Variants in SLC16A11 observed in about 807,000 individuals in gnomAD.
SLC16A11 encodes monocarboxylate transporter 11.
Under a neutral mutation model 26.0 loss-of-function variants are expected in SLC16A11, and 24 were observed. That is an observed-to-expected ratio of 0.92 (90% CI 0.67 to 1.30). The LOEUF is 1.30. Among genes scored for constraint, SLC16A11 ranks in the 50% most tolerant of loss-of-function variants. The pLI, the probability that SLC16A11 is intolerant of heterozygous loss-of-function variation, is 0.00. For missense variants in SLC16A11, 638 were observed against 597.7 expected, an observed-to-expected ratio of 1.07 and a Z score of -0.70; for synonymous variants, 332 against 296.0, an observed-to-expected ratio of 1.12 and a Z score of -1.25.
At position 7,042,927 on chromosome 17, in the gene SLC16A11, C is replaced by T; in HGVS notation, c.346+3G>A. ...AATGACCCGGGCATCCCACTTCCCT[C>T]ACCAGCGAGGAGGCCCAGGCCGAGG... On this transcript the variant is annotated splice_donor_region_variant and intron_variant, in intron 3 of 4. Coordinates refer to ENST00000574600, the MANE Select transcript of SLC16A11 (RefSeq NM_001370549.1). The surrounding 1 kb of genome is among the most constrained non-coding windows in gnomAD (Gnocchi z 5.9). 1.9e-6 allele frequency: 3 copies of T among 1,612,860 alleles called. No individual in the cohort carries two copies. Among genetic ancestry groups the T allele is most frequent in the Non-Finnish European group, 2.5e-6 (3 of 1,179,804 alleles).
intron 1 of SLC16A11, 87 bp downstream of exon 1, chr17:7,043,688 C>T: frequency 7.2e-7 from 1 of 1,379,518 alleles, no homozygotes; most frequent in Non-Finnish European, 9.5e-7. Flanking sequence ...GGCTGGAACT[C>T]CCGGGTCCGC....
chr17:7,042,304 G>A lies in SLC16A11; in HGVS notation c.806C>T (p.Ala269Val). 1 of 1,551,734 alleles carries A rather than the reference G, an allele frequency of 6.4e-7. No homozygotes were observed. The highest frequency in any genetic ancestry group is 8.7e-7 in the Non-Finnish European group (1 of 1,147,724). The change falls in exon 4 of 5, where the codon GCC becomes GTC. Residue 269 changes from alanine to valine, a missense_variant. Physicochemically the swap from Ala to Val is moderately conservative, Grantham distance 64 (BLOSUM62 0). Coordinates refer to ENST00000574600, the MANE Select transcript of SLC16A11 (RefSeq NM_001370549.1). The surrounding 1 kb of genome is among the most constrained non-coding windows in gnomAD (Gnocchi z 5.9). ...TGCCAGCCACCCGCAGACCAGCCGGGCGCCCGCATCCCCCATCGCAGCCAC... is the reference window on the plus strand; with the variant it reads ...TGCCAGCCACCCGCAGACCAGCCGGACGCCCGCATCCCCCATCGCAGCCAC... ...VAVAAMGDAG[A>V]RLVCGWLADQ...
chr17:7,042,785 T>A lies in SLC16A11; in HGVS notation c.347-22A>T. The A allele has an allele frequency of 1.9e-6, 3 of 1,541,358 alleles. No individual in the cohort carries two copies. Reference sequence around the variant, plus strand: ...AAGCCTGCGAATGAATAGGAGGGGATGGGGGCCGGCACTGGGGACGCCCGC... The same window carrying A: ...AAGCCTGCGAATGAATAGGAGGGGAAGGGGGCCGGCACTGGGGACGCCCGC... On this transcript the variant is annotated intron_variant, in intron 3 of 4. Transcript: ENST00000574600. The surrounding 1 kb of genome is among the most constrained non-coding windows in gnomAD (Gnocchi z 5.9).
At position 7,042,474 on chromosome 17, in the gene SLC16A11, C is replaced by A. The variant is rs374224557; in HGVS notation, c.636G>T (p.Leu212=). ...AGAAGGCCCGGCGTGTGAACAGACT[C>A]AGGCCGAGGGCAGCTAGGGGACTAC... ...PPRSPLAALG[L]SLFTRRAFSI... is the part of the protein sequence containing the mutation. Residue 212 remains leucine, a synonymous_variant, in exon 4 of 5, where the codon CTG becomes CTT. Transcript: ENST00000574600. The surrounding 1 kb of genome is among the most constrained non-coding windows in gnomAD (Gnocchi z 5.9). The A allele has an allele frequency of 6.4e-7, 1 of 1,557,924 alleles. No homozygotes were observed. Among genetic ancestry groups the A allele is most frequent in the Admixed American group, 1.9e-5 (1 of 51,380 alleles).
rs1484944689 is a variant in SLC16A11, at chr17:7,043,517, C to T, written c.-4G>A. The T allele has an allele frequency of 1.3e-6, 2 of 1,597,418 alleles. No homozygotes were observed. The highest frequency in any genetic ancestry group is 1.7e-5 in the Admixed American group (1 of 59,374). On this transcript the variant is annotated splice_region_variant and 5_prime_UTR_variant, in exon 2 of 5. Coordinates refer to ENST00000574600, the MANE Select transcript of SLC16A11 (RefSeq NM_001370549.1). ...GTCCGGCGGGCTGGGGGGTCATCGC[C>T]GTCTGCGGGGTGGGGAAACATCTGT... is the stretch of plus-strand genomic sequence containing the variant.
rs986492289 is a variant in SLC16A11 at position 7,041,679 on chromosome 17, T to C, written c.1344A>G (p.Ter448TrpextTer?). 2 of 1,571,986 alleles carry C rather than the reference T, an allele frequency of 1.3e-6. No homozygotes were observed. The highest frequency in any genetic ancestry group is 1.7e-6 in the Non-Finnish European group (2 of 1,161,396). Residue 448 changes from the stop codon to tryptophan (W), a stop_lost, in exon 5 of 5, where the codon TGA becomes TGG. Coordinates refer to ENST00000574600, the MANE Select transcript of SLC16A11 (RefSeq NM_001370549.1). The stretch of plus-strand genomic sequence containing the variant: ...GGGAGGGGCTCAAACAAGAAAATAA[T>C]CAACAAGTGGTGTCCAGAGTGGAGC... ...GPGSTLDTTC* is the reference protein window; with the variant it reads ...GPGSTLDTTCW
chr17:7,042,749 G>T lies in SLC16A11; in HGVS notation c.361C>A (p.Leu121Met), dbSNP rs748203165. 1.9e-5 allele frequency: 29 copies of T among 1,538,586 alleles called. 1 individual carries two copies. The South Asian group carries it at 3.3e-4, about 18-fold the overall frequency. Residue 121 changes from leucine to methionine, a missense_variant, in exon 4 of 5, where the codon CTG (leucine) becomes ATG (methionine). Leu to Met is a conservative substitution (Grantham distance 15). Transcript: ENST00000574600. This position sits in a 1 kb window ranked among gnomAD's most constrained non-coding sequence, Gnocchi z 5.9. ...LGLLAGFGWA[L>M]VFAPALGTLS... ...GTGCCTAGGGCGGGGGCGAACACCAGGGCCCAACCAAAGCCTGCGAATGAA... is the reference window on the plus strand; with the variant it reads ...GTGCCTAGGGCGGGGGCGAACACCATGGCCCAACCAAAGCCTGCGAATGAA...
chr17:7,041,874 G>C lies in SLC16A11; in HGVS notation c.1149C>G (p.Ala383=). 1 of 1,614,060 alleles carries C rather than the reference G, an allele frequency of 6.2e-7. No homozygotes were observed. Among genetic ancestry groups the C allele is most frequent in the African/African-American group, 1.3e-5 (1 of 75,024 alleles). The stretch of plus-strand genomic sequence containing the variant: ...TCAAAGAACCAGACAGGAGGAAAGA[G>C]GCGGTGAAGTCTCCTGTCTCATCCC... ...FLRDETGDFT[A]SFLLSGSLIL... Residue 383 remains alanine, a synonymous_variant, in exon 5 of 5, where the codon GCC becomes GCG. Transcript: ENST00000574600.
Position 7,042,492 on chromosome 17 carries a change from G to T in SLC16A11, c.618C>A (p.Pro206=). Reference sequence around the variant, plus strand: ...ACAGACTCAGGCCGAGGGCAGCTAGGGGACTACGCGGTGGGGCTGGGGGGT... The same window carrying T: ...ACAGACTCAGGCCGAGGGCAGCTAGTGGACTACGCGGTGGGGCTGGGGGGT... The part of the protein sequence containing the change: ...PGDPPAPPRS[P]LAALGLSLFT... The change falls in exon 4 of 5, where the codon CCC becomes CCA. Residue 206 remains proline, a synonymous_variant. Coordinates refer to ENST00000574600, the MANE Select transcript of SLC16A11 (RefSeq NM_001370549.1). This position sits in a 1 kb window ranked among gnomAD's most constrained non-coding sequence, Gnocchi z 5.9. The T allele has an allele frequency of 6.4e-7, 1 of 1,560,312 alleles. No individual in the cohort carries two copies. Among genetic ancestry groups the T allele is most frequent in the East Asian group, 2.4e-5 (1 of 42,416 alleles).
At position 7,041,652 on chromosome 17, in the gene SLC16A11, G is replaced by T; in HGVS notation, c.*27C>A. 6.5e-7 allele frequency: 1 copy of T among 1,545,286 alleles called. No homozygotes were observed. Among genetic ancestry groups the T allele is most frequent in the South Asian group, 1.2e-5 (1 of 83,196 alleles). The stretch of plus-strand genomic sequence containing the variant: ...GAAAACCCGATAAAAATTCTTTATT[G>T]GGGGAGGGGCTCAAACAAGAAAATA... On this transcript the variant is annotated 3_prime_UTR_variant, in exon 5 of 5. Transcript: ENST00000574600.
In SLC16A11 at chr17:7,041,793, A is replaced by T. The variant is rs2151670488; in HGVS notation, c.1230T>A (p.Gly410=). The T allele has an allele frequency of 6.2e-7, 1 of 1,613,682 alleles. No individual in the cohort carries two copies. The highest frequency in any genetic ancestry group is 2.2e-5 in the East Asian group (1 of 44,862). ...GAGGCGTGGCTGGAGGGGAGGCTGGACCACAGGAGGGCAGCGCCCTGGGCA... is the reference window on the plus strand; with the variant it reads ...GAGGCGTGGCTGGAGGGGAGGCTGGTCCACAGGAGGGCAGCGCCCTGGGCA... The part of the protein sequence containing the change: ...IGLPRALPSC[G]PASPPATPPP... The change falls in exon 5 of 5, where the codon GGT becomes GGA. Residue 410 remains glycine, a synonymous_variant. Transcript: ENST00000574600.
chr17:7,042,281 C>T lies in SLC16A11; in HGVS notation c.829G>A (p.Ala277Thr), dbSNP rs1238223009. 6.4e-7 allele frequency: 1 copy of T among 1,568,602 alleles called. No homozygotes were observed. Reference protein sequence around the residue: ...AGARLVCGWLADQGWVPLPRL... With the variant: ...AGARLVCGWLTDQGWVPLPRL... ...GGGAGGGGCACCCAGCCTTGGTCTGCCAGCCACCCGCAGACCAGCCGGGCG... is the reference window on the plus strand; with the variant it reads ...GGGAGGGGCACCCAGCCTTGGTCTGTCAGCCACCCGCAGACCAGCCGGGCG... The change falls in exon 4 of 5, where the codon GCA (alanine) becomes ACA (threonine). Residue 277 changes from alanine (A) to threonine (T), a missense_variant. Coordinates refer to ENST00000574600, the MANE Select transcript of SLC16A11 (RefSeq NM_001370549.1). The surrounding 1 kb of genome is among the most constrained non-coding windows in gnomAD (Gnocchi z 5.9).
rs574004862 is a variant in SLC16A11, at chr17:7,043,509, G to A, written c.5C>T (p.Thr2Ile). M[T>I]PQPAGPPDGG... ...ATCCGGGGGTCCGGCGGGCTGGGGG[G>A]TCATCGCCGTCTGCGGGGTGGGGAA... The change falls in exon 2 of 5, where the codon ACC becomes ATC. Residue 2 changes from threonine to isoleucine, a missense_variant. Thr to Ile is a moderately conservative substitution (Grantham distance 89). Coordinates refer to ENST00000574600, the MANE Select transcript of SLC16A11 (RefSeq NM_001370549.1). The A allele has an allele frequency of 3.1e-5, 49 of 1,598,166 alleles. No individual in the cohort carries two copies. Among genetic ancestry groups the A allele is most frequent in the Non-Finnish European group, 3.6e-5 (42 of 1,178,366 alleles).
In SLC16A11 at chr17:7,042,027, GC is replaced by G; in HGVS notation, c.1082del (p.Ser361ThrfsTer14). On this transcript the variant is annotated frameshift_variant, in exon 4 of 5. Transcript: ENST00000574600. LOFTEE classifies it high-confidence loss of function. The surrounding 1 kb of genome is among the most constrained non-coding windows in gnomAD (Gnocchi z 5.9). Reference protein sequence around the residue: ...QATGLVMMLMSLGGLLGPPLS... With the variant: ...QATGLVMMLMXLGGLLGPPLS... ...GGGGAGGGCCCAGGAGCCCCCCGAGGCTCATCAGCATCATCACCAGCCCTGT... is the reference window on the plus strand; with the variant it reads ...GGGGAGGGCCCAGGAGCCCCCCGAGGTCATCAGCATCATCACCAGCCCTGT... The G allele has an allele frequency of 1.9e-6, 3 of 1,584,008 alleles. No individual in the cohort carries two copies. Among genetic ancestry groups the G allele is most frequent in the Non-Finnish European group, 2.6e-6 (3 of 1,161,818 alleles).
rs982031033 is a variant in SLC16A11, at chr17:7,042,437, G to A, written c.673C>T (p.Leu225=). The change falls in exon 4 of 5, where the codon CTA becomes TTA. Residue 225 remains leucine, a synonymous_variant. Coordinates refer to ENST00000574600, the MANE Select transcript of SLC16A11 (RefSeq NM_001370549.1). The surrounding 1 kb of genome is among the most constrained non-coding windows in gnomAD (Gnocchi z 5.9). ...CCGCCCCCAACCAGGGCTGTGCCTAGAGCAAAGATTGAGAAGGCCCGGCGT... is the reference window on the plus strand; with the variant it reads ...CCGCCCCCAACCAGGGCTGTGCCTAAAGCAAAGATTGAGAAGGCCCGGCGT... The part of the protein sequence containing the change: ...FTRRAFSIFA[L]GTALVGGGYF... 6.4e-7 allele frequency: 1 copy of A among 1,557,584 alleles called. No homozygotes were observed. Among genetic ancestry groups the A allele is most frequent in the Non-Finnish European group, 8.7e-7 (1 of 1,150,294 alleles).
In SLC16A11 at chr17:7,043,723, C is replaced by T; in HGVS notation, c.-7+52G>A. On this transcript the variant is annotated intron_variant, in intron 1 of 4. Transcript: ENST00000574600. ...CGCGAGGTACGGGGACGGGGACAGC[C>T]AGATCCCCAGGCCCGAGGTTCCCCG... is the stretch of plus-strand genomic sequence containing the variant. 2.0e-5 allele frequency: 21 copies of T among 1,044,750 alleles called. 1 individual carries two copies. In the South Asian group the frequency reaches 3.7e-4, roughly 18 times the overall value. 64.7% of individuals were successfully genotyped at this position (1,044,750 alleles called of 1,614,324 possible).
rs1231242897 is a variant in SLC16A11, at chr17:7,042,964, C to A, written c.312G>T (p.Leu104=). The change falls in exon 3 of 5, where the codon CTG becomes CTT. Residue 104 remains leucine (L), a synonymous_variant. Transcript: ENST00000574600. The surrounding 1 kb of genome is among the most constrained non-coding windows in gnomAD (Gnocchi z 5.9). Reference sequence around the variant, plus strand: ...GGCCCAGGCCGAGGTAGAGATGCAGCAGATCGCTGGCGAAAGCCGAGAAGA... The same window carrying A: ...GGCCCAGGCCGAGGTAGAGATGCAGAAGATCGCTGGCGAAAGCCGAGAAGA... ...GFVFSAFASD[L]LHLYLGLGLL... 4 of 1,612,854 alleles carry A rather than the reference C, an allele frequency of 2.5e-6. No individual in the cohort carries two copies. The highest frequency in any genetic ancestry group is 2.2e-5 in the South Asian group (2 of 90,928).
rs1910739627 is a variant in SLC16A11, at chr17:7,041,685, A to G, written c.1338T>C (p.Thr446=). 2 of 1,583,256 alleles carry G rather than the reference A, an allele frequency of 1.3e-6. No individual in the cohort carries two copies. Among genetic ancestry groups the G allele is most frequent in the African/African-American group, 2.7e-5 (2 of 73,358 alleles). ...PGGPGSTLDT[T]C Reference sequence around the variant, plus strand: ...GGCTCAAACAAGAAAATAATCAACAAGTGGTGTCCAGAGTGGAGCCAGGGC... The same window carrying G: ...GGCTCAAACAAGAAAATAATCAACAGGTGGTGTCCAGAGTGGAGCCAGGGC... Residue 446 remains threonine, a synonymous_variant, in exon 5 of 5, where the codon ACT becomes ACC. Transcript: ENST00000574600.
At position 7,043,416 on chromosome 17, in the gene SLC16A11, C is replaced by T; in HGVS notation, c.98G>A (p.Arg33His). Residue 33 changes from arginine to histidine, a missense_variant, in exon 2 of 5, where the codon CGC (arginine) becomes CAC (histidine). Physicochemically the swap from Arg to His is conservative, Grantham distance 29 (BLOSUM62 0). Coordinates refer to ENST00000574600, the MANE Select transcript of SLC16A11 (RefSeq NM_001370549.1). The part of the protein sequence containing the change: ...AINGLSYGLL[R>H]SLGLAFPDLA... ...GTCAGGGAAGGCAAGGCCCAGCGAG[C>T]GCAGCAGCCCGTAGGACAGCCCGTT... The T allele has an allele frequency of 6.2e-7, 1 of 1,604,182 alleles. No homozygotes were observed. The highest frequency in any genetic ancestry group is 8.5e-7 in the Non-Finnish European group (1 of 1,178,178).
Sources: gnomAD v4.1 joint callset for allele counts on GRCh38, gnomAD v4.1.1 for gene constraint, Gnocchi (gnomAD v3.1) non-coding constraint, MANE v1.5 for transcripts, NCBI Gene and HGNC (gene_info 2026-07-23, HGNC 2026-07-21) for gene names.